PKNOX2: variants seen among roughly 807,000 people sequenced by gnomAD.
The protein encoded by PKNOX2 is homeobox protein PKNOX2.
A neutral mutation model predicts 53.1 loss-of-function variants in PKNOX2; 14 were observed. That is an observed-to-expected ratio of 0.26 (90% CI 0.17 to 0.41). The LOEUF (loss-of-function observed/expected upper bound fraction) is 0.41. PKNOX2 is among the 10% of genes least tolerant of loss of function. The probability of loss-of-function intolerance (pLI) is 1.00; values close to 1 mark genes in which losing one functional copy is unlikely to be tolerated. For missense variants in PKNOX2, 496 were observed against 602.8 expected, an observed-to-expected ratio of 0.82 and a Z score of 1.85; for synonymous variants, 257 against 242.8, an observed-to-expected ratio of 1.06 and a Z score of -0.54.
intron 2 of PKNOX2, among the ~76,000 whole-genome samples, chr11:125,262,931 A>T (rs187570833): frequency 8.3e-4 from 126 of 151,948 alleles, no homozygotes; most frequent in African/African-American, 2.9e-3. Context: ...TTGTTCAGTC[A>T]TCGGCGCCCC....
chr11:125,321,324 C>G (rs1013805476), intron 2 of PKNOX2, among the ~76,000 whole-genome samples: 4 of 152,152 alleles, frequency 2.6e-5, no homozygotes, highest in Admixed American at 6.5e-5. Flanking sequence ...ATTTCAAGAC[C>G]AACCACAGAT....
At chr11:125,179,393 G>C (rs534620346) in intron 1 of PKNOX2, among the ~76,000 whole-genome samples, 2 of 152,348 alleles carry the variant, frequency 1.3e-5, no homozygotes, top group East Asian at 3.9e-4. Context: ...TATCCAGAGA[G>C]AGCAGGGCAG....
intron 1 of PKNOX2, among the ~76,000 whole-genome samples, chr11:125,219,394 C>T (rs931927566): frequency 2.0e-5 from 3 of 151,306 alleles, no homozygotes; most frequent in East Asian, 1.9e-4. Flanking sequence ...GCCAAGATCA[C>T]GCCATTGCAT....
Position 125,249,142 on chromosome 11 carries a change from G to C in PKNOX2, c.-130+14027G>C, listed in dbSNP as rs902876000. 2.8e-5 allele frequency among the ~76,000 whole-genome samples: 4 copies of C among 140,374 alleles called. No homozygotes were observed. The East Asian group carries it at 6.1e-4, about 21-fold the overall frequency. 92.1% of individuals were successfully genotyped at this position (140,374 alleles called of 152,430 possible). ...TATAAATTTTTACTGGTAGAGTTTT[G>C]TAAACATCTGGGGATCCTATTCCCC... On this transcript the variant is annotated intron_variant, in intron 2 of 12. Coordinates refer to ENST00000298282, the MANE Select transcript of PKNOX2 (RefSeq NM_001382323.2).
intron 2 of PKNOX2, among the ~76,000 whole-genome samples, chr11:125,292,478 G>A (rs571601167): frequency 1.3e-5 from 2 of 152,258 alleles, no homozygotes; most frequent in African/African-American, 4.8e-5. Flanking sequence ...GACCCTATCT[G>A]GTCCAGGTTC....
chr11:125,361,444 C>T (rs1445489765), intron 4 of PKNOX2, among the ~76,000 whole-genome samples: 3 of 152,178 alleles, frequency 2.0e-5, no homozygotes, highest in South Asian at 2.1e-4. Context: ...AGGTAAAGTT[C>T]CATCTTTAAG....
At chr11:125,274,522 C>T (rs1294399417) in intron 2 of PKNOX2, among the ~76,000 whole-genome samples, 9 of 152,296 alleles carry the variant, frequency 5.9e-5, no homozygotes, top group Non-Finnish European at 2.9e-5. Flanking sequence ...TTTTGTTTTT[C>T]ACCTTTTATA....
At chr11:125,424,841 G>A (rs530408565) in intron 10 of PKNOX2, among the ~76,000 whole-genome samples, 2 of 152,330 alleles carry the variant, frequency 1.3e-5, no homozygotes, top group South Asian at 4.1e-4. Context: ...TTCTGAACCA[G>A]CCCCTGGGCA....
intron 1 of PKNOX2, among the ~76,000 whole-genome samples, chr11:125,222,662 A>ATG (rs67172956): frequency 1.2e-4 from 15 of 126,932 alleles, no homozygotes; most frequent in African/African-American, 3.4e-4. Context: ...TGTGCTGTGT[A>ATG]TGTGTGTGTG....
At chr11:125,396,017 C>G (rs147598338) in intron 6 of PKNOX2, among the ~76,000 whole-genome samples, 5,182 of 150,878 alleles carry the variant, frequency 0.034, 233 homozygotes, top group African/African-American at 0.1. Flanking sequence ...GCAGTGGCTC[C>G]ATCTCGGCTC....
In PKNOX2 at chr11:125,354,868, C is replaced by A. The variant is rs578021443; in HGVS notation, c.87+3476C>A. Among the ~76,000 whole-genome samples the A allele has an allele frequency of 3.1e-3, 479 of 152,272 alleles. 4 individuals carry two copies. Among genetic ancestry groups the A allele is most frequent in the African/African-American group, 0.011 (447 of 41,538 alleles). ...GATACGATGGCTAAGCGGCTTCTAG[C>A]CCCTTAGTTCTGTTGCAGTCCATCC... is the stretch of plus-strand genomic sequence containing the variant. On this transcript the variant is annotated intron_variant, in intron 4 of 12. Transcript: ENST00000298282.
intron 2 of PKNOX2, among the ~76,000 whole-genome samples, chr11:125,268,145 T>TG (rs1945500645): frequency 6.6e-6 from 1 of 152,108 alleles, no homozygotes; most frequent in Non-Finnish European, 1.5e-5. Flanking sequence ...TGCAGTCCTT[T>TG]GGCCCACCTG....
intron 2 of PKNOX2, among the ~76,000 whole-genome samples, chr11:125,241,075 T>C (rs896141942): frequency 3.9e-5 from 6 of 152,200 alleles, no homozygotes; most frequent in African/African-American, 1.4e-4. Flanking sequence ...AGTGGTTCTT[T>C]GCTATCCACA....
At position 125,422,240 on chromosome 11, in the gene PKNOX2, A is replaced by G. The variant is rs549705268; in HGVS notation, c.937-6772A>G. 1.4e-4 allele frequency among the ~76,000 whole-genome samples: 22 copies of G among 152,228 alleles called. No homozygotes were observed. The highest frequency in any genetic ancestry group is 5.3e-4 in the African/African-American group (22 of 41,528). On this transcript the variant is annotated intron_variant, in intron 10 of 12. Transcript: ENST00000298282. The surrounding 1 kb of genome is among the most constrained non-coding windows in gnomAD (Gnocchi z 4.1). ...AACACTGTGGCCCCTTACCCCAGCC[A>G]CGACTGTCTTCATTCTAGACGCTGT...
chr11:125,259,607 C>T (rs373869783), intron 2 of PKNOX2, among the ~76,000 whole-genome samples: 11 of 152,184 alleles, frequency 7.2e-5, no homozygotes, highest in Non-Finnish European at 1.5e-4. Context: ...TGGACTTCCG[C>T]GTGGCCCTTT....
chr11:125,197,602 C>T (rs1937879438), intron 1 of PKNOX2, among the ~76,000 whole-genome samples: 1 of 152,158 alleles, frequency 6.6e-6, no homozygotes, highest in Non-Finnish European at 1.5e-5. Context: ...TCTGGGGACC[C>T]CGTAACAACA....
At chr11:125,384,194 C>T (rs567366192) in intron 5 of PKNOX2, among the ~76,000 whole-genome samples, 20 of 152,152 alleles carry the variant, frequency 1.3e-4, no homozygotes, top group South Asian at 2.1e-4. Flanking sequence ...TTTTGAGATC[C>T]GCATACATCT....
intron 2 of PKNOX2, among the ~76,000 whole-genome samples, chr11:125,254,041 C>A (rs547613718): frequency 6.6e-6 from 1 of 152,234 alleles, no homozygotes; most frequent in Admixed American, 6.5e-5. Flanking sequence ...CACCAGGCTT[C>A]CTCCAGCTCC....
chr11:125,371,288 T>G (rs1160129316), intron 5 of PKNOX2, among the ~76,000 whole-genome samples: 1 of 151,222 alleles, frequency 6.6e-6, no homozygotes, highest in Admixed American at 6.6e-5. Flanking sequence ...TGAGAGGGGG[T>G]CCAAAGAGGG....
Sources: allele counts gnomAD v4.1 joint callset (sites outside exome capture counted in the v4.1 genomes callset), GRCh38; gene constraint gnomAD v4.1.1; non-coding constraint Gnocchi (gnomAD v3.1); transcripts MANE v1.5; gene names NCBI Gene and HGNC (gene_info 2026-07-23, HGNC 2026-07-21).